NTN1: variants seen among roughly 807,000 people sequenced by gnomAD.
NTN1 encodes the protein netrin 1, also known as netrin-1.
In NTN1, 11 loss-of-function variants were observed where a neutral mutation model predicts 54.2. The observed-to-expected ratio is 0.20, with a 90% CI of 0.13 to 0.34. NTN1 has a LOEUF of 0.34. Among genes scored for constraint, NTN1 ranks in the 10% least tolerant of loss-of-function variants. The probability of loss-of-function intolerance (pLI) is 1.00; values close to 1 mark genes in which losing one functional copy is unlikely to be tolerated. For synonymous variants in NTN1, 371 were observed against 382.0 expected, an observed-to-expected ratio of 0.97 and a Z score of 0.33; for missense variants, 740 against 893.1, an observed-to-expected ratio of 0.83 and a Z score of 2.18.
chr17:9,143,740 C>T (rs904342622), intron 2 of NTN1, among the ~76,000 whole-genome samples: 3 of 152,292 alleles, frequency 2.0e-5, no homozygotes, highest in Admixed American at 6.5e-5. Flanking sequence ...AACCATGTCA[C>T]GCCAATGCTG....
intron 5 of NTN1, among the ~76,000 whole-genome samples, chr17:9,218,942 A>T (rs932072515): frequency 6.7e-6 from 1 of 149,088 alleles, no homozygotes; most frequent in African/African-American, 2.5e-5. Flanking sequence ...TTGCGAGGAG[A>T]GTGGATTGAA....
At chr17:9,130,705 G>A (rs1247607964) in intron 2 of NTN1, among the ~76,000 whole-genome samples, 4 of 152,112 alleles carry the variant, frequency 2.6e-5, no homozygotes, top group Admixed American at 1.3e-4. Flanking sequence ...ACGTGCTGGT[G>A]TTCAGCCCCA....
rs2092169183 is a variant in NTN1, at chr17:9,106,872, AT to A, written c.1019-55940del. Among the ~76,000 whole-genome samples, 58 of 152,212 alleles carry A rather than the reference AT, an allele frequency of 3.8e-4. 2 individuals carry two copies. The South Asian group carries it at 0.012, about 31-fold the overall frequency. On this transcript the variant is annotated intron_variant, in intron 2 of 6. Transcript: ENST00000173229. ...CTTCGCCGTCACCATCATCATCATC[AT>A]CATCACAGCACAGATCCTTTATTTT...
At chr17:9,090,959 A>G (rs920809712) in intron 2 of NTN1, among the ~76,000 whole-genome samples, 1 of 151,984 alleles carries the variant, frequency 6.6e-6, no homozygotes, top group Non-Finnish European at 1.5e-5. Context: ...AGGGAAACCC[A>G]GGGCGTGTGA....
intron 6 of NTN1, among the ~76,000 whole-genome samples, chr17:9,229,426 C>T (rs1220226008): frequency 1.3e-5 from 2 of 151,564 alleles, no homozygotes; most frequent in African/African-American, 4.9e-5. Context: ...TCATTCCTGT[C>T]AATAGGACGC....
intron 2 of NTN1, among the ~76,000 whole-genome samples, chr17:9,118,416 G>T (rs1383696197): frequency 6.6e-6 from 1 of 152,188 alleles, no homozygotes; most frequent in African/African-American, 2.4e-5. Flanking sequence ...TATCCGGGAG[G>T]CTGAGGCAGG....
chr17:9,091,159 C>T (rs74492130), intron 2 of NTN1, among the ~76,000 whole-genome samples: 8,311 of 152,256 alleles, frequency 0.055, 288 homozygotes, highest in Admixed American at 0.097. Flanking sequence ...TTTCCTCCCC[C>T]AAACTTTAAA....
At position 9,114,160 on chromosome 17, in the gene NTN1, A is replaced by ATAT. The variant is rs1310655092; in HGVS notation, c.1019-48653_1019-48652insTAT. Among the ~76,000 whole-genome samples the ATAT allele has an allele frequency of 9.2e-4, 87 of 94,338 alleles. 1 individual carries two copies. Among genetic ancestry groups the ATAT allele is most frequent in the African/African-American group, 2.9e-3 (66 of 22,930 alleles). 61.9% of individuals were successfully genotyped at this position (94,338 alleles called of 152,430 possible). A position where few individuals can be genotyped will look rare whatever the true frequency, so the allele number is the denominator to read the frequency against. On this transcript the variant is annotated intron_variant, in intron 2 of 6. Coordinates refer to ENST00000173229, the MANE Select transcript of NTN1 (RefSeq NM_004822.3). Reference sequence around the variant, plus strand: ...CTGGGTGCCAAAAAAAAAGAAAAAAAAAAAAAATATATATATATATATATA... The same window carrying ATAT: ...CTGGGTGCCAAAAAAAAAGAAAAAAATATAAAAAAATATATATATATATATATA...
intron 5 of NTN1, among the ~76,000 whole-genome samples, chr17:9,193,026 G>T (rs1304327986): frequency 6.9e-6 from 1 of 144,714 alleles, no homozygotes; most frequent in African/African-American, 2.6e-5. Flanking sequence ...GTTGCAGTGA[G>T]CCAGGATCAT....
At chr17:9,079,132 C>T (rs1394743629) in intron 2 of NTN1, among the ~76,000 whole-genome samples, 1 of 152,126 alleles carries the variant, frequency 6.6e-6, no homozygotes, top group Non-Finnish European at 1.5e-5. Flanking sequence ...AGTACAGGGC[C>T]CCAGATCTTT....
At chr17:9,022,137 C>T (rs2091851330) in intron 1 of NTN1, among the ~76,000 whole-genome samples, 174 bp from the exon 2 acceptor site, 1 of 152,094 alleles carries the variant, frequency 6.6e-6, no homozygotes, top group Admixed American at 6.5e-5. Context: ...GCGGTGCGGA[C>T]TTGGAGGGCC....
rs966579541 is a variant in NTN1, at chr17:9,193,102, GAA to G, written c.1411+10140_1411+10141del. The stretch of plus-strand genomic sequence containing the variant: ...CTCAAAAAAAAAAAAAAAAGAAAAA[GAA>G]AAAAAAGCCGTTTCCTCAAGTCAGC... On this transcript the variant is annotated intron_variant, in intron 5 of 6. Coordinates refer to ENST00000173229, the MANE Select transcript of NTN1 (RefSeq NM_004822.3). Among the ~76,000 whole-genome samples, 5 of 93,098 alleles carry G rather than the reference GAA, an allele frequency of 5.4e-5. 1 individual carries two copies. The highest frequency in any genetic ancestry group is 1.6e-4 in the African/African-American group (4 of 25,612). The allele number at this position is 93,098 out of a possible 152,430, so 61.1% of individuals were successfully genotyped here. A position where few individuals can be genotyped will look rare whatever the true frequency, so the allele number is the denominator to read the frequency against.
intron 2 of NTN1, among the ~76,000 whole-genome samples, chr17:9,082,874 C>T (rs1376523141): frequency 6.6e-6 from 1 of 152,006 alleles, no homozygotes; most frequent in Non-Finnish European, 1.5e-5. Flanking sequence ...GTCATAGATA[C>T]TTATATTATC....
intron 2 of NTN1, among the ~76,000 whole-genome samples, chr17:9,091,429 C>T (rs1044778901): frequency 2.5e-4 from 38 of 149,474 alleles, no homozygotes; most frequent in African/African-American, 9.1e-4. Flanking sequence ...CAAAGTTAAA[C>T]TGGATCCTAC....
intron 2 of NTN1, among the ~76,000 whole-genome samples, chr17:9,080,365 C>A (rs2092066667): frequency 6.6e-6 from 1 of 152,244 alleles, no homozygotes; most frequent in Admixed American, 6.5e-5. Flanking sequence ...CTTCAGGTCT[C>A]ACCGATCCCA....
At chr17:9,083,103 T>C (rs774241219) in intron 2 of NTN1, among the ~76,000 whole-genome samples, 32 of 152,012 alleles carry the variant, frequency 2.1e-4, no homozygotes, top group African/African-American at 2.2e-4. Context: ...GGGTTTTTTT[T>C]TTCTTCTTCT....
intron 3 of NTN1, among the ~76,000 whole-genome samples, chr17:9,167,113 G>A (rs925250447): frequency 2.0e-5 from 3 of 152,182 alleles, no homozygotes; most frequent in Admixed American, 1.3e-4. Context: ...GCACTCTCCA[G>A]CTATTCAGTG....
chr17:9,179,701 C>A, intron 3 of NTN1, 106 bp from the exon 4 acceptor site: 1 of 1,382,952 alleles, frequency 7.2e-7, no homozygotes, highest in Non-Finnish European at 9.8e-7. Context: ...CGCTGCTCTT[C>A]CTCCAGGGCA....
chr17:9,237,699 C>G (rs1906036365), intron 6 of NTN1, among the ~76,000 whole-genome samples: 1 of 152,212 alleles, frequency 6.6e-6, no homozygotes, highest in African/African-American at 2.4e-5. Flanking sequence ...TCGTATTCAG[C>G]TCAGTCCTGG....
Sources: allele counts gnomAD v4.1 joint callset (sites outside exome capture counted in the v4.1 genomes callset), GRCh38; gene constraint gnomAD v4.1.1; transcripts MANE v1.5; gene names NCBI Gene and HGNC (gene_info 2026-07-23, HGNC 2026-07-21).